Variants in TEAD1 observed in about 807,000 individuals in gnomAD.
The protein encoded by TEAD1 is TEA domain transcription factor 1, also known as transcriptional enhancer factor TEF-1.
In TEAD1, 9 loss-of-function variants were observed where a neutral mutation model predicts 54.9. The ratio of observed to expected loss-of-function variants is 0.16; its 90% CI spans 0.10 to 0.29. The LOEUF (loss-of-function observed/expected upper bound fraction) is 0.29, where lower values mean the gene tolerates loss of function less well. Among genes scored for constraint, TEAD1 ranks in the 10% least tolerant of loss-of-function variants. The pLI is 1.00. For synonymous variants in TEAD1, 200 were observed against 187.8 expected, an observed-to-expected ratio of 1.07 and a Z score of -0.53; for missense variants, 387 against 535.9, an observed-to-expected ratio of 0.72 and a Z score of 2.74.
chr11:12,717,461 C>T (rs1219242717), intron 2 of TEAD1, among the ~76,000 whole-genome samples: 1 of 152,182 alleles, frequency 6.6e-6, no homozygotes, highest in Non-Finnish European at 1.5e-5. Context: ...GAAATCACTC[C>T]TGGATGGAGA....
intron 3 of TEAD1, among the ~76,000 whole-genome samples, chr11:12,855,581 C>T (rs900851025): frequency 3.9e-5 from 6 of 151,932 alleles, no homozygotes; most frequent in African/African-American, 1.4e-4. Context: ...AGCCATTGCG[C>T]CTGACCAGGT....
At chr11:12,796,558 C>T (rs1299383158) in intron 3 of TEAD1, among the ~76,000 whole-genome samples, 2 of 150,718 alleles carry the variant, frequency 1.3e-5, no homozygotes, top group East Asian at 4.0e-4. Flanking sequence ...AAACCAGTCT[C>T]CACAAAAAAT....
chr11:12,763,543 G>A (rs937652734), intron 2 of TEAD1, among the ~76,000 whole-genome samples: 6 of 152,206 alleles, frequency 3.9e-5, no homozygotes, highest in Non-Finnish European at 7.3e-5. Flanking sequence ...TGTCTCAGTA[G>A]AATGAGTATG....
intron 3 of TEAD1, among the ~76,000 whole-genome samples, chr11:12,846,274 A>G (rs542600341): frequency 2.9e-4 from 39 of 132,452 alleles, no homozygotes; most frequent in African/African-American, 1.0e-3. Flanking sequence ...CCACAGGCTC[A>G]GTCTGTGCAC....
chr11:12,865,401 A>G (rs1007679585), intron 5 of TEAD1: 8 of 161,586 alleles, frequency 5.0e-5, no homozygotes, highest in Admixed American at 4.7e-4. Context: ...AGACTTATAA[A>G]AAATACGTCT....
intron 3 of TEAD1, among the ~76,000 whole-genome samples, chr11:12,813,656 G>C (rs1253009611): frequency 6.6e-6 from 1 of 152,212 alleles, no homozygotes; most frequent in East Asian, 1.9e-4. Context: ...CCAAACTTCA[G>C]TGTGCACCTT....
intron 9 of TEAD1, among the ~76,000 whole-genome samples, chr11:12,897,492 G>T (rs1948334942): frequency 6.6e-6 from 1 of 152,202 alleles, no homozygotes; most frequent in Admixed American, 6.5e-5. Context: ...TTGTTTCAAT[G>T]CTGTGGTCTC....
chr11:12,693,382 T>C (rs1018813733), intron 2 of TEAD1, among the ~76,000 whole-genome samples: 30 of 152,376 alleles, frequency 2.0e-4, no homozygotes, highest in African/African-American at 7.2e-4. Flanking sequence ...CACTCTGAAC[T>C]CTGGTTTGCA....
intron 2 of TEAD1, among the ~76,000 whole-genome samples, chr11:12,707,377 G>A (rs747271243): frequency 5.9e-5 from 9 of 152,224 alleles, no homozygotes; most frequent in Non-Finnish European, 1.2e-4. Context: ...AGAGCTATCT[G>A]CAAGCCATTT....
intron 2 of TEAD1, among the ~76,000 whole-genome samples, chr11:12,719,998 G>T (rs5018298): frequency 0.99 from 82,954 of 84,198 alleles, 40,857 homozygotes; most frequent in Middle Eastern, 0.99. Context: ...TTTTTTTGGG[G>T]GGGGACCCAG....
At chr11:12,854,758 ATTT>A (rs11364747) in intron 3 of TEAD1, among the ~76,000 whole-genome samples, 41 of 124,050 alleles carry the variant, frequency 3.3e-4, no homozygotes, top group African/African-American at 6.8e-4. Context: ...AGCCTGGCTG[ATTT>A]TTTTTTTTTT....
chr11:12,894,070 T>G (rs1373350364), intron 9 of TEAD1, among the ~76,000 whole-genome samples: 1 of 152,214 alleles, frequency 6.6e-6, no homozygotes, highest in East Asian at 1.9e-4. Flanking sequence ...AGGTGATTTG[T>G]CCTTGTTCTG....
At chr11:12,894,334 A>T (rs1230397453) in intron 9 of TEAD1, among the ~76,000 whole-genome samples, 1 of 152,126 alleles carries the variant, frequency 6.6e-6, no homozygotes, top group Non-Finnish European at 1.5e-5. Flanking sequence ...GCAGATTTGT[A>T]GGGCTTTTTC....
chr11:12,787,438 GT>G (rs1419223686), intron 3 of TEAD1, among the ~76,000 whole-genome samples: 1 of 152,200 alleles, frequency 6.6e-6, no homozygotes, highest in Non-Finnish European at 1.5e-5. Flanking sequence ...AAGAGTAGTG[GT>G]GTGGTGGGTG....
chr11:12,862,663 A>G (rs1357431536), intron 4 of TEAD1, among the ~76,000 whole-genome samples: 1 of 152,244 alleles, frequency 6.6e-6, no homozygotes, highest in Non-Finnish European at 1.5e-5. Context: ...CTTGCAGGTC[A>G]TGAAATTTTG....
intron 9 of TEAD1, among the ~76,000 whole-genome samples, chr11:12,890,538 C>A (rs529947856): frequency 1.3e-5 from 2 of 152,182 alleles, no homozygotes; most frequent in African/African-American, 4.8e-5. Flanking sequence ...GCCTCAGTTT[C>A]CAGTCTGTCT....
chr11:12,905,032 T>C (rs1948494487), intron 10 of TEAD1: 1 of 154,538 alleles, frequency 6.5e-6, no homozygotes, highest in Non-Finnish European at 1.4e-5. Flanking sequence ...AAAGGGGTTG[T>C]TTATCCAAGT....
chr11:12,864,646 T>C, intron 4 of TEAD1, 192 bp from the exon 5 acceptor site: 2 of 1,385,592 alleles, frequency 1.4e-6, no homozygotes, highest in Non-Finnish European at 1.9e-6. Flanking sequence ...TGTTTTGTTT[T>C]GTTTTGTTTT....
intron 5 of TEAD1, among the ~76,000 whole-genome samples, chr11:12,873,421 A>G (rs1210955554): frequency 6.6e-6 from 1 of 152,240 alleles, no homozygotes; most frequent in East Asian, 1.9e-4. Context: ...GAAGCCCCAC[A>G]TCAGAGTTAA....
Sources: gnomAD v4.1 joint callset for allele counts (sites outside exome capture counted in the v4.1 genomes callset) on GRCh38, gnomAD v4.1.1 for gene constraint, MANE v1.5 for transcripts, NCBI Gene and HGNC (gene_info 2026-07-23, HGNC 2026-07-21) for gene names.